Variants in POLDIP3 observed in about 807,000 individuals in gnomAD.
The protein encoded by POLDIP3 is polymerase delta-interacting protein 3.
In POLDIP3, 14 loss-of-function variants were observed where a neutral mutation model predicts 45.1. The ratio of observed to expected loss-of-function variants is 0.31; its 90% confidence interval spans 0.20 to 0.49. POLDIP3 has a LOEUF of 0.49. Among genes scored for constraint, POLDIP3 ranks in the 20% least tolerant of loss-of-function variants. The pLI is 0.99. For synonymous variants in POLDIP3, 223 were observed against 205.2 expected (o/e 1.09, Z -0.74); for missense variants, 511 against 538.8 (o/e 0.95, Z 0.51).
chr22:42,606,043 G>A (rs956631547), intron 1 of POLDIP3, among the ~76,000 whole-genome samples: 1 of 152,314 alleles, frequency 6.6e-6, no homozygotes, highest in Non-Finnish European at 1.5e-5. Context: ...TCGGAAGGCT[G>A]AGGCAGGAGA....
intron 6 of POLDIP3, 128 bp downstream of exon 6, chr22:42,595,409 G>T: frequency 1.2e-6 from 1 of 815,122 alleles, no homozygotes; most frequent in Non-Finnish European, 2.1e-6. Context: ...ATTAGTCTCA[G>T]CCCTGAGCGT....
At chr22:42,586,677 G>C (rs1925334236) in intron 8 of POLDIP3, among the ~76,000 whole-genome samples, 1 of 152,116 alleles carries the variant, frequency 6.6e-6, no homozygotes, top group Non-Finnish European at 1.5e-5. Context: ...CACAGTTTAA[G>C]AACTTATCCA....
At chr22:42,613,957 T>C (rs1176849211) in intron 1 of POLDIP3, among the ~76,000 whole-genome samples, 1 of 152,120 alleles carries the variant, frequency 6.6e-6, no homozygotes, top group Non-Finnish European at 1.5e-5. Context: ...TAACAACATT[T>C]AAGGGTCTAG....
intron 1 of POLDIP3, among the ~76,000 whole-genome samples, chr22:42,608,037 GCCGC>G (rs1926873258): frequency 2.6e-5 from 4 of 151,136 alleles, no homozygotes; most frequent in Non-Finnish European, 3.0e-5. Flanking sequence ...CCTCTGCCCG[GCCGC>G]CACCCCGTCT....
intron 7 of POLDIP3, among the ~76,000 whole-genome samples, chr22:42,588,833 G>A (rs942102499): frequency 5.9e-5 from 9 of 152,018 alleles, no homozygotes; most frequent in African/African-American, 2.2e-4. Context: ...TCCTCATATT[G>A]GTCAAGCTGG....
chr22:42,589,051 G>A (rs948285207), intron 7 of POLDIP3, among the ~76,000 whole-genome samples: 5 of 152,096 alleles, frequency 3.3e-5, no homozygotes, highest in African/African-American at 9.7e-5. Context: ...CAGCAGCCTG[G>A]CCAACATGGC....
At chr22:42,597,171 G>A (rs945902647) in intron 4 of POLDIP3, among the ~76,000 whole-genome samples, 8 of 152,144 alleles carry the variant, frequency 5.3e-5, no homozygotes, top group African/African-American at 1.9e-4. Flanking sequence ...ATCTGGATGT[G>A]GTCCCTTGGA....
chr22:42,608,265 A>T (rs1342697957), intron 1 of POLDIP3, among the ~76,000 whole-genome samples: 1 of 81,994 alleles, frequency 1.2e-5, no homozygotes, highest in Non-Finnish European at 2.3e-5. Flanking sequence ...CCCCCCCCCC[A>T]AAAAAAAATT....
At chr22:42,599,326 G>A (rs546231283) in intron 4 of POLDIP3, among the ~76,000 whole-genome samples, 16 of 152,376 alleles carry the variant, frequency 1.1e-4, no homozygotes, top group Admixed American at 5.9e-4. Context: ...TATTCACGCC[G>A]GGCGCAGTGG....
chr22:42,587,400 C>T lies in POLDIP3; in HGVS notation c.1088+106G>A, dbSNP rs148701115. ...CCAGCTGCCATTAGAACAGAGGAAA[C>T]GGAATGGGGGGATGAAGGGGAGCTG... On this transcript the variant is annotated intron_variant, in intron 8 of 8. Transcript: ENST00000252115. 375 of 1,179,564 alleles carry T rather than the reference C, an allele frequency of 3.2e-4. 1 individual carries two copies. The East Asian group carries it at 8.1e-3, about 26-fold the overall frequency. The allele number at this position is 1,179,564 out of a possible 1,614,324, so 73.1% of individuals were successfully genotyped here. A position where few individuals can be genotyped will look rare whatever the true frequency, so the allele number is the denominator to read the frequency against.
rs898487154 is a variant in POLDIP3 at position 42,585,763 on chromosome 22, C to T, written c.*28G>A. 9 of 1,600,842 alleles carry T rather than the reference C, an allele frequency of 5.6e-6. No homozygotes were observed. Among genetic ancestry groups the T allele is most frequent in the Middle Eastern group, 2.3e-4 (1 of 4,426 alleles). The stretch of plus-strand genomic sequence containing the variant: ...GGAAACAGAGCCACCCTCCTCTGCC[C>T]CCACTTCTGGCTGCCTCACTCCCCT... On this transcript the variant is annotated 3_prime_UTR_variant, in exon 9 of 9. Coordinates refer to ENST00000252115, the MANE Select transcript of POLDIP3 (RefSeq NM_032311.5).
intron 6 of POLDIP3, among the ~76,000 whole-genome samples, chr22:42,592,804 G>C (rs1925749849): frequency 6.6e-6 from 1 of 152,210 alleles, no homozygotes. Flanking sequence ...TCATTTTACA[G>C]ACAAGACGAC....
intron 6 of POLDIP3, among the ~76,000 whole-genome samples, chr22:42,592,742 A>C (rs1569297031): frequency 6.6e-6 from 1 of 152,234 alleles, no homozygotes; most frequent in Non-Finnish European, 1.5e-5. Context: ...AGCTCAACTG[A>C]GATAATTTTT....
rs1435336678 is a variant in POLDIP3, at chr22:42,585,013, G to C, written c.*778C>G. ...GTGCCAGGCGAGGTGAGAACCGGGA[G>C]GGCTCACAACACAGCCCCCTCCCAG... On this transcript the variant is annotated 3_prime_UTR_variant, in exon 9 of 9. Coordinates refer to ENST00000252115, the MANE Select transcript of POLDIP3 (RefSeq NM_032311.5). The C allele has an allele frequency of 6.6e-6, 3 of 456,352 alleles. No homozygotes were observed. The East Asian group carries it at 2.1e-4, about 32-fold the overall frequency. The allele number at this position is 456,352 out of a possible 1,614,324, so 28.3% of individuals were successfully genotyped here. A position where few individuals can be genotyped will look rare whatever the true frequency, so the allele number is the denominator to read the frequency against.
chr22:42,594,863 GAA>G (rs1277277478), intron 6 of POLDIP3, among the ~76,000 whole-genome samples: 2 of 152,170 alleles, frequency 1.3e-5, no homozygotes, highest in Non-Finnish European at 2.9e-5. Flanking sequence ...AAGGACACAG[GAA>G]AACACAACTA....
intron 7 of POLDIP3, among the ~76,000 whole-genome samples, chr22:42,589,377 C>G (rs779312608): frequency 6.6e-6 from 1 of 151,798 alleles, no homozygotes; most frequent in Non-Finnish European, 1.5e-5. Flanking sequence ...AAAAAAGTGA[C>G]TAGAGGTAAA....
At chr22:42,592,673 G>C (rs137099) in intron 6 of POLDIP3, among the ~76,000 whole-genome samples, 21 of 151,980 alleles carry the variant, frequency 1.4e-4, no homozygotes, top group African/African-American at 4.6e-4. Context: ...TAACTTCTCT[G>C]AGCCTGTTTC....
chr22:42,587,598 C>T (rs775285342), intron 7 of POLDIP3, 26 bp from the exon 8 acceptor site: 7 of 1,602,118 alleles, frequency 4.4e-6, no homozygotes, highest in Middle Eastern at 1.6e-4. Flanking sequence ...AAGAAAAAGG[C>T]TCTGCTATGA....
At chr22:42,614,507 AC>A (rs1179121198) in intron 1 of POLDIP3, among the ~76,000 whole-genome samples, 1 of 151,884 alleles carries the variant, frequency 6.6e-6, no homozygotes, top group East Asian at 1.9e-4. Context: ...AGACCCCAGG[AC>A]CCCGGAACGC....
Sources: allele counts gnomAD v4.1 joint callset (sites outside exome capture counted in the v4.1 genomes callset), GRCh38; gene constraint gnomAD v4.1.1; transcripts MANE v1.5; gene names NCBI Gene and HGNC (gene_info 2026-07-23, HGNC 2026-07-21).